Variants in HTT-AS observed in about 807,000 individuals in gnomAD.
HTT-AS encodes HTT antisense RNA, also known as HTT antisense RNA (head to head).
intron 2 of HTT-AS, among the ~76,000 whole-genome samples, chr4:3,057,235 G>A (rs547134794): frequency 1.4e-4 from 21 of 152,014 alleles, no homozygotes; most frequent in African/African-American, 3.1e-4. Flanking sequence ...GGGTTTCACC[G>A]TGTTGGCCAG....
intron 2 of HTT-AS, among the ~76,000 whole-genome samples, chr4:3,057,826 T>C (rs1002503506): frequency 6.6e-6 from 1 of 151,550 alleles, no homozygotes; most frequent in Non-Finnish European, 1.5e-5. Context: ...GGTTTCACCA[T>C]GTTAGCCAGG....
At chr4:3,055,921 G>GT (rs1375286652) in intron 2 of HTT-AS, among the ~76,000 whole-genome samples, 1 of 152,178 alleles carries the variant, frequency 6.6e-6, no homozygotes, top group African/African-American at 2.4e-5. Context: ...GTTAATTACC[G>GT]TATCAAATCT....
At chr4:3,059,769 C>T (rs1288837491) in intron 2 of HTT-AS, among the ~76,000 whole-genome samples, 1 of 152,098 alleles carries the variant, frequency 6.6e-6, no homozygotes, top group African/African-American at 2.4e-5. Context: ...GATGGGGTTT[C>T]ACCATGTTGG....
intron 1 of HTT-AS, among the ~76,000 whole-genome samples, chr4:3,066,728 C>A (rs998716693): frequency 6.6e-5 from 10 of 152,138 alleles, no homozygotes; most frequent in African/African-American, 2.4e-4. Context: ...GTCCCAGGAG[C>A]CTGGCATTGC....
chr4:3,069,029 T>G (rs1351481956), intron 1 of HTT-AS, among the ~76,000 whole-genome samples: 1 of 152,202 alleles, frequency 6.6e-6, no homozygotes. Context: ...AAAATAGCAT[T>G]TAAATGTTGT....
chr4:3,059,243 A>G (rs1054037099), intron 2 of HTT-AS, among the ~76,000 whole-genome samples: 2 of 152,212 alleles, frequency 1.3e-5, no homozygotes, highest in Non-Finnish European at 2.9e-5. Flanking sequence ...TGTTCGGAGA[A>G]GGCGAATTCA....
At chr4:3,050,316 T>C (rs1711679653) in intron 2 of HTT-AS, among the ~76,000 whole-genome samples, 1 of 152,246 alleles carries the variant, frequency 6.6e-6, no homozygotes, top group Non-Finnish European at 1.5e-5. Context: ...ACTATTTCAG[T>C]GTCAGCTGAT....
chr4:3,064,717 T>A (rs1712010099), intron 1 of HTT-AS, among the ~76,000 whole-genome samples: 1 of 152,222 alleles, frequency 6.6e-6, no homozygotes. Context: ...ATGGGAATGT[T>A]AGCACACCTT....
At chr4:3,056,014 C>T (rs570166959) in intron 2 of HTT-AS, among the ~76,000 whole-genome samples, 8 of 152,204 alleles carry the variant, frequency 5.3e-5, no homozygotes, top group African/African-American at 1.2e-4. Context: ...TCAGAGAGCT[C>T]GAAACACAAA....
chr4:3,057,028 G>A (rs1711814980), intron 2 of HTT-AS, among the ~76,000 whole-genome samples: 1 of 142,656 alleles, frequency 7.0e-6, no homozygotes, highest in South Asian at 2.6e-4. Flanking sequence ...CTTGTGACTG[G>A]CTTTTTCTTT....
At chr4:3,068,323 AAAAAAAAAAAG>A (rs1166062631) in intron 1 of HTT-AS, among the ~76,000 whole-genome samples, 6 of 150,736 alleles carry the variant, frequency 4.0e-5, no homozygotes, top group Non-Finnish European at 5.9e-5. Flanking sequence ...AAAAAAAAAA[AAAAAAAAAAAG>A]GGTGACGAAG....
downstream of HTT-AS, among the ~76,000 whole-genome samples, chr4:3,048,036 G>C (rs1405316003): frequency 6.6e-6 from 1 of 152,110 alleles, no homozygotes; most frequent in Non-Finnish European, 1.5e-5. Flanking sequence ...CCCTTGTCTT[G>C]TATCCAATAA....
downstream of HTT-AS, among the ~76,000 whole-genome samples, chr4:3,048,360 G>T (rs781195220): frequency 1.2e-4 from 19 of 152,186 alleles, no homozygotes; most frequent in Non-Finnish European, 2.6e-4. Context: ...TGCCATTCCA[G>T]TTGAAGAGAG....
At chr4:3,053,380 A>G (rs1219272559) in intron 2 of HTT-AS, among the ~76,000 whole-genome samples, 2 of 152,178 alleles carry the variant, frequency 1.3e-5, no homozygotes, top group Non-Finnish European at 2.9e-5. Context: ...TAAAAATACA[A>G]AAATTAGCCA....
intron 2 of HTT-AS, among the ~76,000 whole-genome samples, chr4:3,055,284 C>A (rs61269488): frequency 1.3e-5 from 2 of 151,002 alleles, no homozygotes; most frequent in Non-Finnish European, 2.9e-5. Context: ...GGCAACACAG[C>A]GAGACTCCGT....
chr4:3,069,102 A>T (rs552908988), intron 1 of HTT-AS, among the ~76,000 whole-genome samples: 3 of 152,050 alleles, frequency 2.0e-5, no homozygotes, highest in Non-Finnish European at 4.4e-5. Context: ...TGGAGGATGA[A>T]TGTTGTAATT....
At chr4:3,056,082 A>G (rs1313770) in intron 2 of HTT-AS, among the ~76,000 whole-genome samples, 86,600 of 152,078 alleles carry the variant, frequency 0.57, 25,070 homozygotes, top group South Asian at 0.73. Flanking sequence ...TGCTCTGAGA[A>G]ATCAATGGAC....
intron 1 of HTT-AS, among the ~76,000 whole-genome samples, chr4:3,069,091 C>CTGGA: frequency 6.6e-6 from 1 of 151,844 alleles, no homozygotes; most frequent in South Asian, 2.1e-4. Flanking sequence ...ATTTTGATAC[C>CTGGA]TGGAGGATGA....
In HTT-AS at chr4:3,050,548, T is replaced by C. The variant is rs117625562; in HGVS notation, n.1381-850A>G. ...GAATCTCCTAAAAGACACCATACTT[T>C]TGAAGTTTTCAGAAACCGCACCAGC... On this transcript the variant is annotated intron_variant and non_coding_transcript_variant, in intron 2 of 2. Coordinates refer to ENST00000664062, the Ensembl canonical transcript of HTT-AS. Among the ~76,000 whole-genome samples the C allele has an allele frequency of 4.3e-4, 66 of 152,284 alleles. 4 individuals are homozygous for C. The East Asian group carries it at 0.012, about 28-fold the overall frequency.
Sources: allele counts gnomAD v4.1 joint callset (sites outside exome capture counted in the v4.1 genomes callset), GRCh38; gene constraint gnomAD v4.1.1; transcripts MANE v1.5; gene names NCBI Gene and HGNC (gene_info 2026-07-23, HGNC 2026-07-21).